Variants in CAMKMT observed in about 807,000 individuals in gnomAD.
CAMKMT encodes the protein calmodulin-lysine N-methyltransferase.
A neutral mutation model predicts 48.0 loss-of-function variants in CAMKMT; 53 were observed. The observed-to-expected ratio is 1.10, with a 90% CI of 0.89 to 1.39. The LOEUF is 1.39. Among genes scored for constraint, CAMKMT ranks in the 40% most tolerant of loss-of-function variants. The probability of loss-of-function intolerance (pLI) is 0.00; values close to 1 mark genes in which losing one functional copy is unlikely to be tolerated. For missense variants in CAMKMT, 428 were observed against 402.7 expected (o/e 1.06, Z -0.54); for synonymous variants, 165 against 152.3 (o/e 1.08, Z -0.61).
chr2:44,762,792 A>C (rs895705692), intron 9 of CAMKMT, among the ~76,000 whole-genome samples: 3 of 152,238 alleles, frequency 2.0e-5, no homozygotes, highest in Admixed American at 2.0e-4. Flanking sequence ...TCTGTGGTTT[A>C]GTGGAACTTC....
At chr2:44,528,237 T>A (rs908750779) in intron 3 of CAMKMT, among the ~76,000 whole-genome samples, 1 of 152,078 alleles carries the variant, frequency 6.6e-6, no homozygotes, top group Non-Finnish European at 1.5e-5. Context: ...ATTTCCTAAC[T>A]TAGAATGAGC....
chr2:44,552,106 T>G (rs1457436896), intron 3 of CAMKMT, among the ~76,000 whole-genome samples: 5 of 152,106 alleles, frequency 3.3e-5, no homozygotes, highest in Non-Finnish European at 7.4e-5. Flanking sequence ...TGTACATTGT[T>G]TTACCCATTA....
At chr2:44,381,934 C>G (rs973938709) in intron 2 of CAMKMT, among the ~76,000 whole-genome samples, 6 of 135,952 alleles carry the variant, frequency 4.4e-5, no homozygotes, top group African/African-American at 1.6e-4. Context: ...ATAGTTTTAT[C>G]TTACACTTTT....
chr2:44,397,666 C>T (rs1320557045), intron 3 of CAMKMT, among the ~76,000 whole-genome samples: 3 of 152,068 alleles, frequency 2.0e-5, no homozygotes, highest in Admixed American at 2.0e-4. Context: ...GAAAAAGACA[C>T]ATTTGTTATC....
chr2:44,730,425 C>T (rs563687706), intron 7 of CAMKMT, among the ~76,000 whole-genome samples: 11 of 152,314 alleles, frequency 7.2e-5, no homozygotes, highest in African/African-American at 2.6e-4. Flanking sequence ...CCGAATATGA[C>T]TGTATGTTCC....
At chr2:44,523,752 A>AGCC (rs981176311) in intron 3 of CAMKMT, among the ~76,000 whole-genome samples, 106 of 147,404 alleles carry the variant, frequency 7.2e-4, no homozygotes, top group African/African-American at 2.6e-3. Flanking sequence ...TTCAGAGAAG[A>AGCC]GCCTCCAGAG....
chr2:44,525,706 TATAGATGAG>T (rs1671368691), intron 3 of CAMKMT, among the ~76,000 whole-genome samples: 1 of 152,218 alleles, frequency 6.6e-6, no homozygotes, highest in African/African-American at 2.4e-5. Context: ...GTACTTATTT[TATAGATGAG>T]AAACTGAGGC....
intron 3 of CAMKMT, among the ~76,000 whole-genome samples, chr2:44,467,838 A>G (rs1008640394): frequency 6.6e-6 from 1 of 152,168 alleles, no homozygotes; most frequent in African/African-American, 2.4e-5. Flanking sequence ...AGTTCTCACC[A>G]TGCACAAAAA....
intron 9 of CAMKMT, among the ~76,000 whole-genome samples, chr2:44,758,276 C>T (rs1680466399): frequency 6.6e-6 from 1 of 152,070 alleles, no homozygotes. Context: ...GGGGGAGTTT[C>T]CCTGCCTTTC....
intron 7 of CAMKMT, among the ~76,000 whole-genome samples, chr2:44,738,089 C>T (rs1453044866): frequency 6.6e-6 from 1 of 152,056 alleles, no homozygotes; most frequent in Admixed American, 6.6e-5. Flanking sequence ...CTCCTGACCT[C>T]ATGATCCACC....
chr2:44,460,274 T>C (rs1667779982), intron 3 of CAMKMT, among the ~76,000 whole-genome samples: 1 of 152,210 alleles, frequency 6.6e-6, no homozygotes, highest in Non-Finnish European at 1.5e-5. Flanking sequence ...TTCATAAAAA[T>C]GTAAATAACT....
chr2:44,748,724 A>T (rs1573225310), intron 8 of CAMKMT, among the ~76,000 whole-genome samples: 1 of 152,050 alleles, frequency 6.6e-6, no homozygotes, highest in African/African-American at 2.4e-5. Context: ...TAATAAAAAA[A>T]AAATTAGATG....
At chr2:44,670,836 G>C (rs756278635) in intron 3 of CAMKMT, among the ~76,000 whole-genome samples, 4 of 152,132 alleles carry the variant, frequency 2.6e-5, no homozygotes, top group Non-Finnish European at 4.4e-5. Flanking sequence ...CCTCAGCCAG[G>C]TCTGTCTTCT....
chr2:44,367,807 T>A (rs1048531744), intron 1 of CAMKMT, among the ~76,000 whole-genome samples: 6 of 152,230 alleles, frequency 3.9e-5, no homozygotes, highest in African/African-American at 1.4e-4. Context: ...TCTATCAAAG[T>A]ACCATTGTGG....
At chr2:44,452,006 A>T (rs1435012133) in intron 3 of CAMKMT, among the ~76,000 whole-genome samples, 1 of 151,996 alleles carries the variant, frequency 6.6e-6, no homozygotes, top group African/African-American at 2.4e-5. Context: ...AATATCACAC[A>T]TTTAGTGAGT....
chr2:44,507,311 C>G (rs1206747809), intron 3 of CAMKMT, among the ~76,000 whole-genome samples: 1 of 152,118 alleles, frequency 6.6e-6, no homozygotes, highest in Non-Finnish European at 1.5e-5. Context: ...GAAACTCAGA[C>G]CTTAAATCTT....
rs1669102080 is a variant in CAMKMT, at chr2:44,484,143, G to A, written c.376+93838G>A. ...ATCTGAAGCCATTGGCAGGGAGACA[G>A]AAGAGATACTATTAGCAGAGCAGAA... On this transcript the variant is annotated intron_variant, in intron 3 of 10. Transcript: ENST00000378494. Among the ~76,000 whole-genome samples the A allele has an allele frequency of 2.0e-5, 3 of 151,424 alleles. No individual in the cohort carries two copies. The South Asian group carries it at 6.2e-4, about 32-fold the overall frequency.
intron 3 of CAMKMT, among the ~76,000 whole-genome samples, chr2:44,537,409 A>G (rs527690360): frequency 2.6e-5 from 4 of 152,232 alleles, no homozygotes; most frequent in South Asian, 2.1e-4. Context: ...CAGTAGGTAT[A>G]TGAACAAATG....
chr2:44,480,689 G>A (rs1668922044), intron 3 of CAMKMT, among the ~76,000 whole-genome samples: 1 of 152,144 alleles, frequency 6.6e-6, no homozygotes, highest in African/African-American at 2.4e-5. Flanking sequence ...TAATGGCAAT[G>A]TATGAGTATC....
Sources: gnomAD v4.1 joint callset for allele counts (sites outside exome capture counted in the v4.1 genomes callset) on GRCh38, gnomAD v4.1.1 for gene constraint, MANE v1.5 for transcripts, NCBI Gene and HGNC (gene_info 2026-07-23, HGNC 2026-07-21) for gene names.